ROCK2: variants seen among roughly 807,000 people sequenced by gnomAD.
ROCK2 encodes rho-associated protein kinase 2.
A neutral mutation model predicts 195.1 loss-of-function variants in ROCK2; 61 were observed. That is an observed-to-expected ratio of 0.31 (90% CI 0.25 to 0.39). ROCK2 has a LOEUF of 0.39. Among genes scored for constraint, ROCK2 ranks in the 10% least tolerant of loss-of-function variants. The pLI is 1.00. For missense variants in ROCK2, 1,109 were observed against 1,637.4 expected (o/e 0.68, Z 5.57); for synonymous variants, 504 against 545.5 (o/e 0.92, Z 1.06).
chr2:11,322,535 G>C (rs533351680), intron 1 of ROCK2, among the ~76,000 whole-genome samples: 1 of 151,984 alleles, frequency 6.6e-6, no homozygotes, highest in Non-Finnish European at 1.5e-5. Flanking sequence ...TCCAAAGCAT[G>C]GTGACTGCCA....
chr2:11,196,217 A>G (rs998490482), intron 27 of ROCK2, among the ~76,000 whole-genome samples: 1 of 152,194 alleles, frequency 6.6e-6, no homozygotes, highest in Non-Finnish European at 1.5e-5. Flanking sequence ...GTTTTCATTT[A>G]AACTGTAATC....
At chr2:11,269,285 G>A (rs1666538744) in intron 3 of ROCK2, among the ~76,000 whole-genome samples, 1 of 152,158 alleles carries the variant, frequency 6.6e-6, no homozygotes, top group Non-Finnish European at 1.5e-5. Context: ...GCTGAGGCAG[G>A]CGGATCACCT....
chr2:11,345,224 C>G (rs961325803), upstream of ROCK2, among the ~76,000 whole-genome samples: 1 of 152,202 alleles, frequency 6.6e-6, no homozygotes, highest in Non-Finnish European at 1.5e-5. Context: ...AGTCCTGGGG[C>G]AGGAGGGCCT....
rs758038558 is a variant in ROCK2 at position 11,197,181 on chromosome 2, T to G, written c.3447A>C (p.Pro1149=). 3.1e-6 allele frequency: 5 copies of G among 1,599,902 alleles called. No homozygotes were observed. The South Asian group carries it at 5.7e-5, about 18-fold the overall frequency. ...PGDAEADDGF[P]ESRLEGWLSL... ...TTAGTGCTGAAAACAAATCCATACC[T>G]GGAAACCCATCATCTGCCTCAGCAT... Residue 1149 remains proline (P), a splice_region_variant and synonymous_variant, in exon 27 of 33, where the codon CCA becomes CCC. Coordinates refer to ENST00000315872, the MANE Select transcript of ROCK2 (RefSeq NM_004850.5). This position sits in a 1 kb window ranked among gnomAD's most constrained non-coding sequence, Gnocchi z 4.9.
chr2:11,214,930 G>A lies in ROCK2; in HGVS notation c.1846C>T (p.Leu616Phe), dbSNP rs1160193624. The A allele has an allele frequency of 6.2e-7, 1 of 1,613,906 alleles. No individual in the cohort carries two copies. Among genetic ancestry groups the A allele is most frequent in the East Asian group, 2.2e-5 (1 of 44,886 alleles). ...NCLLETAKLK[L>F]EKEFINLQSA... is the part of the protein sequence containing the mutation. The stretch of plus-strand genomic sequence containing the variant: ...TGAAGATTGATAAATTCCTTTTCAA[G>A]TTTTAACTTGGCAGTCTCCAGCAGG... Residue 616 changes from leucine to phenylalanine, a missense_variant, in exon 16 of 33, where the codon CTT (leucine) becomes TTT (phenylalanine). Physicochemically the swap from Leu to Phe is conservative, Grantham distance 22. Transcript: ENST00000315872.
rs1665184181 is a variant in ROCK2, at chr2:11,235,840, A to C, written c.585T>G (p.Thr195=). 2 of 1,613,928 alleles carry C rather than the reference A, an allele frequency of 1.2e-6. No homozygotes were observed. The highest frequency in any genetic ancestry group is 2.2e-5 in the East Asian group (1 of 44,856). The change falls in exon 5 of 33, where the codon ACT becomes ACG. Residue 195 remains threonine (T), a synonymous_variant. Coordinates refer to ENST00000315872, the MANE Select transcript of ROCK2 (RefSeq NM_004850.5). This position sits in a 1 kb window ranked among gnomAD's most constrained non-coding sequence, Gnocchi z 4.2. The part of the protein sequence containing the change: ...DVPEKWAKFY[T]AEVVLALDAI... ...CATCCAGAGCAAGAACAACTTCAGC[A>C]GTGTAAAATTTGGCCCATTTTTCAG...
intron 5 of ROCK2, among the ~76,000 whole-genome samples, chr2:11,232,540 GA>G (rs532265950): frequency 6.2e-4 from 94 of 152,156 alleles, no homozygotes; most frequent in Non-Finnish European, 1.3e-3. Flanking sequence ...AAAACTAATA[GA>G]AAATTATAAA....
chr2:11,295,532 A>G (rs1212285331), intron 1 of ROCK2, among the ~76,000 whole-genome samples: 1 of 152,190 alleles, frequency 6.6e-6, no homozygotes, highest in East Asian at 1.9e-4. Flanking sequence ...TGCTCACAGT[A>G]CACAGAATAA....
chr2:11,249,181 C>T (rs1483603945), intron 4 of ROCK2, among the ~76,000 whole-genome samples: 1 of 152,160 alleles, frequency 6.6e-6, no homozygotes, highest in African/African-American at 2.4e-5. Context: ...CAGGTGTGAG[C>T]CACTGCGCCT....
intron 1 of ROCK2, among the ~76,000 whole-genome samples, chr2:11,299,908 T>C (rs1667653500): frequency 1.3e-5 from 2 of 152,212 alleles, no homozygotes; most frequent in Non-Finnish European, 1.5e-5. Context: ...TTTTTAAAAA[T>C]CAGAAAACAT....
chr2:11,296,748 T>C (rs1431209956), intron 1 of ROCK2, among the ~76,000 whole-genome samples: 2 of 152,124 alleles, frequency 1.3e-5, no homozygotes, highest in Non-Finnish European at 2.9e-5. Flanking sequence ...TAAAGAAAAT[T>C]ATTTTACTCC....
intron 5 of ROCK2, chr2:11,234,308 T>C (rs1309433053): frequency 2.0e-5 from 3 of 152,148 alleles, no homozygotes; most frequent in Admixed American, 6.5e-5. Flanking sequence ...CCTAAAAATA[T>C]GTGGTATGAT....
intron 3 of ROCK2, among the ~76,000 whole-genome samples, chr2:11,273,643 C>T (rs1052802567): frequency 2.0e-5 from 3 of 152,060 alleles, no homozygotes; most frequent in Non-Finnish European, 4.4e-5. Flanking sequence ...CTAACTAGAT[C>T]TTAGGGATAT....
At chr2:11,271,720 G>C (rs184831766) in intron 3 of ROCK2, among the ~76,000 whole-genome samples, 1 of 152,296 alleles carries the variant, frequency 6.6e-6, no homozygotes, top group East Asian at 1.9e-4. Context: ...AATGCCATCT[G>C]AGGTTGAAAG....
At position 11,181,343 on chromosome 2, in the gene ROCK2, T is replaced by A. The variant is rs1472739015; in HGVS notation, c.*2094A>T. The A allele has an allele frequency of 1.3e-5, 2 of 151,394 alleles. No individual in the cohort carries two copies. Among genetic ancestry groups the A allele is most frequent in the Non-Finnish European group, 2.9e-5 (2 of 67,894 alleles). The allele number at this position is 151,394 out of a possible 1,614,324, so 9.4% of individuals were successfully genotyped here. A position where few individuals can be genotyped will look rare whatever the true frequency, so the allele number is the denominator to read the frequency against. ...CTATATAAATTTATATATTTTTCAT[T>A]TTTTAATCTTACTTAAAAAAGAGCT... is the stretch of plus-strand genomic sequence containing the variant. On this transcript the variant is annotated 3_prime_UTR_variant, in exon 33 of 33. Transcript: ENST00000315872.
intron 4 of ROCK2, among the ~76,000 whole-genome samples, chr2:11,249,182 C>T (rs1393495598): frequency 1.3e-5 from 2 of 152,192 alleles, no homozygotes; most frequent in Non-Finnish European, 2.9e-5. Flanking sequence ...AGGTGTGAGC[C>T]ACTGCGCCTG....
chr2:11,245,722 GATT>G (rs1017533196), intron 4 of ROCK2, among the ~76,000 whole-genome samples: 2 of 152,098 alleles, frequency 1.3e-5, no homozygotes, highest in Non-Finnish European at 2.9e-5. Flanking sequence ...AGCTATCAAA[GATT>G]ATTAAGGCTT....
chr2:11,200,821 A>C (rs1663824698), intron 23 of ROCK2, 136 bp downstream of exon 23: 1 of 655,324 alleles, frequency 1.5e-6, no homozygotes, highest in East Asian at 3.0e-5. Context: ...AGAAGGTGGC[A>C]GTTAACTAGA....
intron 3 of ROCK2, among the ~76,000 whole-genome samples, chr2:11,280,247 G>T (rs996740749): frequency 6.6e-6 from 1 of 152,056 alleles, no homozygotes; most frequent in African/African-American, 2.4e-5. Context: ...CTCTAGCCAG[G>T]TTGGCTAGAA....
Sources: allele counts gnomAD v4.1 joint callset (sites outside exome capture counted in the v4.1 genomes callset), GRCh38; gene constraint gnomAD v4.1.1; non-coding constraint Gnocchi (gnomAD v3.1); transcripts MANE v1.5; gene names NCBI Gene and HGNC (gene_info 2026-07-23, HGNC 2026-07-21).